Variants in RIT2 observed in about 807,000 individuals in gnomAD.
The protein encoded by RIT2 is GTP-binding protein Rit2.
Under a neutral mutation model 23.7 loss-of-function variants are expected in RIT2, and 24 were observed. That is an observed-to-expected ratio of 1.01 (90% CI 0.73 to 1.43). The LOEUF (loss-of-function observed/expected upper bound fraction) is 1.43, where lower values mean the gene tolerates loss of function less well. RIT2 is among the 40% of genes most tolerant of loss of function. The pLI is 0.00. For synonymous variants in RIT2, 107 were observed against 91.1 expected (o/e 1.17, Z -0.99); for missense variants, 236 against 266.9 (o/e 0.88, Z 0.81).
chr18:42,829,404 G>A (rs1189560128), intron 4 of RIT2, among the ~76,000 whole-genome samples: 1 of 152,104 alleles, frequency 6.6e-6, no homozygotes, highest in Non-Finnish European at 1.5e-5. Context: ...TTTTACAAAA[G>A]GTTAAACTCT....
intron 4 of RIT2, among the ~76,000 whole-genome samples, chr18:42,790,490 C>A (rs940834255): frequency 6.6e-6 from 1 of 152,128 alleles, no homozygotes; most frequent in Non-Finnish European, 1.5e-5. Flanking sequence ...TCGCCTAGGC[C>A]GGAATGCAGT....
chr18:42,985,354 T>C (rs1310851317), intron 2 of RIT2, among the ~76,000 whole-genome samples: 1 of 152,150 alleles, frequency 6.6e-6, no homozygotes, highest in African/African-American at 2.4e-5. Flanking sequence ...TTTTCCCTAA[T>C]TGATCTAGAA....
chr18:42,808,271 A>G (rs1404719209), intron 4 of RIT2, among the ~76,000 whole-genome samples: 2 of 152,224 alleles, frequency 1.3e-5, no homozygotes, highest in African/African-American at 2.4e-5. Flanking sequence ...CTGGATATTT[A>G]CCATACTCAG....
chr18:43,018,984 A>G (rs1334090005), intron 2 of RIT2, among the ~76,000 whole-genome samples: 1 of 152,056 alleles, frequency 6.6e-6, no homozygotes, highest in Non-Finnish European at 1.5e-5. Context: ...CAAACAACAA[A>G]TAATATACAA....
At chr18:42,921,211 G>A (rs1618815) in intron 4 of RIT2, among the ~76,000 whole-genome samples, 3,795 of 152,156 alleles carry the variant, frequency 0.025, 169 homozygotes, top group African/African-American at 0.087. Flanking sequence ...AATAATTATT[G>A]CTATCACAAC....
Position 42,885,573 on chromosome 18 carries a change from G to A in RIT2, c.426+37999C>T, listed in dbSNP as rs754394523. 4.6e-5 allele frequency among the ~76,000 whole-genome samples: 7 copies of A among 152,094 alleles called. 1 individual carries two copies. The highest frequency in any genetic ancestry group is 1.3e-4 in the Admixed American group (2 of 15,260). On this transcript the variant is annotated intron_variant, in intron 4 of 4. Transcript: ENST00000326695. The stretch of plus-strand genomic sequence containing the variant: ...TGCGCTCCAGCCTGGGTGACAGAGC[G>A]AGACTCTGTCTCAAAAAAAAATAAT...
At chr18:42,896,822 A>G (rs1024786475) in intron 4 of RIT2, among the ~76,000 whole-genome samples, 2 of 152,184 alleles carry the variant, frequency 1.3e-5, no homozygotes, top group Admixed American at 6.5e-5. Flanking sequence ...ACAATCATAG[A>G]GTGAGAAAAC....
intron 3 of RIT2, among the ~76,000 whole-genome samples, chr18:42,925,774 T>A (rs10853499): frequency 0.15 from 23,216 of 151,590 alleles, 2,572 homozygotes; most frequent in East Asian, 0.59. Context: ...TACAAGCATA[T>A]ACATATTCCT....
intron 1 of RIT2, among the ~76,000 whole-genome samples, chr18:43,113,348 C>T (rs1458779982): frequency 6.6e-6 from 1 of 152,124 alleles, no homozygotes; most frequent in Admixed American, 6.5e-5. Flanking sequence ...TATATATAAT[C>T]AATACAACTG....
At chr18:43,038,467 TG>T (rs1415517817) in intron 1 of RIT2, among the ~76,000 whole-genome samples, 6 of 152,164 alleles carry the variant, frequency 3.9e-5, no homozygotes, top group Admixed American at 3.3e-4. Flanking sequence ...TTAATTCTCT[TG>T]ATTGTTTCCC....
At chr18:42,889,237 C>G (rs181537328) in intron 4 of RIT2, among the ~76,000 whole-genome samples, 2 of 151,914 alleles carry the variant, frequency 1.3e-5, no homozygotes, top group Admixed American at 1.3e-4. Flanking sequence ...CAGCTTTCCT[C>G]GGGTATTCAA....
At chr18:42,890,010 G>C (rs896232627) in intron 4 of RIT2, among the ~76,000 whole-genome samples, 1 of 152,044 alleles carries the variant, frequency 6.6e-6, no homozygotes, top group Non-Finnish European at 1.5e-5. Context: ...CAGCCTCTGA[G>C]TGACTAAATA....
chr18:43,115,297 C>A lies in RIT2; in HGVS notation c.103+120G>T, dbSNP rs561190158. ...TTTGGAGCATCCTGCCAGACCCATA[C>A]TCTGTGTTTAACTGCCACAGTTCAC... On this transcript the variant is annotated intron_variant, in intron 1 of 4. Transcript: ENST00000326695. 3 of 1,278,350 alleles carry A rather than the reference C, an allele frequency of 2.3e-6. No homozygotes were observed. The East Asian group carries it at 7.4e-5, about 31-fold the overall frequency. The allele number at this position is 1,278,350 out of a possible 1,614,324, so 79.2% of individuals were successfully genotyped here.
intron 4 of RIT2, among the ~76,000 whole-genome samples, chr18:42,863,318 T>C (rs1441747222): frequency 6.6e-6 from 1 of 152,192 alleles, no homozygotes; most frequent in East Asian, 1.9e-4. Flanking sequence ...GCATTTATCT[T>C]AGACTTCTCA....
chr18:42,971,582 C>T (rs538317303), intron 3 of RIT2, among the ~76,000 whole-genome samples: 117 of 152,150 alleles, frequency 7.7e-4, no homozygotes, highest in Non-Finnish European at 1.5e-3. Flanking sequence ...AATAATGCTA[C>T]AAGACAAACC....
chr18:42,746,216 A>G (rs1392159675), intron 4 of RIT2, among the ~76,000 whole-genome samples: 1 of 152,154 alleles, frequency 6.6e-6, no homozygotes, highest in Non-Finnish European at 1.5e-5. Context: ...CCTAAAGTCA[A>G]TGAGGCAGGA....
chr18:42,942,612 G>T (rs1225263067), intron 3 of RIT2, among the ~76,000 whole-genome samples: 1 of 152,024 alleles, frequency 6.6e-6, no homozygotes, highest in African/African-American at 2.4e-5. Context: ...TTCTCCAAGT[G>T]CTTGGGCTTC....
intron 1 of RIT2, among the ~76,000 whole-genome samples, chr18:43,108,576 G>C (rs1393370725): frequency 6.6e-6 from 1 of 152,080 alleles, no homozygotes; most frequent in Non-Finnish European, 1.5e-5. Flanking sequence ...GTCATAGATG[G>C]GGCAGACATA....
chr18:43,079,794 A>T (rs1913111572), intron 1 of RIT2, among the ~76,000 whole-genome samples: 1 of 152,210 alleles, frequency 6.6e-6, no homozygotes, highest in African/African-American at 2.4e-5. Context: ...CGGTCAGTGA[A>T]GTTCGTCATG....
Sources: allele counts gnomAD v4.1 joint callset (sites outside exome capture counted in the v4.1 genomes callset), GRCh38; gene constraint gnomAD v4.1.1; transcripts MANE v1.5; gene names NCBI Gene and HGNC (gene_info 2026-07-23, HGNC 2026-07-21).